Variants in ATOSA observed in about 807,000 individuals in gnomAD.
ATOSA encodes atos homolog protein A.
At chr15:52,582,183 T>C in the ATOSA span, 2 of 1,584,030 alleles carry the variant, frequency 1.3e-6, no homozygotes, top group South Asian at 1.2e-5. Flanking sequence ...TGAGGGTTTG[T>C]TGGTGATTCA....
chr15:52,690,953 A>G, the ATOSA span, among the ~76,000 whole-genome samples: 1 of 152,236 alleles, frequency 6.6e-6, no homozygotes, highest in East Asian at 1.9e-4. Context: ...TTCTGTGATG[A>G]TCCTGCTGGT....
At chr15:52,645,493 T>C in the ATOSA span, among the ~76,000 whole-genome samples, 1 of 151,844 alleles carries the variant, frequency 6.6e-6, no homozygotes, top group East Asian at 1.9e-4. Context: ...AAAATAGGAG[T>C]AGATCAAGGT....
At chr15:52,609,026 C>T in the ATOSA span, 37 of 1,613,234 alleles carry the variant, frequency 2.3e-5, 1 homozygote, top group South Asian at 3.1e-4. Context: ...ATTTCTTGCT[C>T]CTTGAATCTG....
At chr15:52,630,099 A>T in the ATOSA span, among the ~76,000 whole-genome samples, 1 of 151,966 alleles carries the variant, frequency 6.6e-6, no homozygotes, top group Non-Finnish European at 1.5e-5. Context: ...CTTTTCCCAG[A>T]CTCCCATCTT....
the ATOSA span, among the ~76,000 whole-genome samples, chr15:52,640,927 C>A: frequency 6.6e-6 from 1 of 152,028 alleles, no homozygotes; most frequent in Non-Finnish European, 1.5e-5. Flanking sequence ...ACCATATGAT[C>A]CAGCATCCCA....
the ATOSA span, among the ~76,000 whole-genome samples, chr15:52,660,127 T>C: frequency 2.6e-5 from 4 of 152,208 alleles, no homozygotes; most frequent in Admixed American, 2.6e-4. Flanking sequence ...AATTATGATA[T>C]CTTAGAACTT....
chr15:52,601,235 A>G, the ATOSA span: 4,127 of 934,648 alleles, frequency 4.4e-3, 118 homozygotes, highest in African/African-American at 0.061. Context: ...TTGATAAAAC[A>G]CTTTTTAAAT....
At chr15:52,617,302 A>G in the ATOSA span, among the ~76,000 whole-genome samples, 1 of 152,124 alleles carries the variant, frequency 6.6e-6, no homozygotes, top group South Asian at 2.1e-4. Context: ...GAAAGGCCAC[A>G]TGAGCACACA....
the ATOSA span, among the ~76,000 whole-genome samples, chr15:52,597,418 A>C: frequency 6.6e-6 from 1 of 152,220 alleles, no homozygotes; most frequent in Non-Finnish European, 1.5e-5. Flanking sequence ...ACTGTGGTCT[A>C]TCCATACAAC....
the ATOSA span, among the ~76,000 whole-genome samples, chr15:52,640,247 A>G: frequency 1.3e-5 from 2 of 152,084 alleles, no homozygotes; most frequent in African/African-American, 4.8e-5. Context: ...ATTTTAAGAC[A>G]TATTACTCTT....
the ATOSA span, among the ~76,000 whole-genome samples, chr15:52,646,084 G>A: frequency 1.3e-4 from 20 of 152,186 alleles, no homozygotes; most frequent in African/African-American, 4.1e-4. Context: ...AACATAGGCT[G>A]GTTTCCCAAA....
chr15:52,593,801 T>G, the ATOSA span: 1 of 1,419,360 alleles, frequency 7.0e-7, no homozygotes, highest in Non-Finnish European at 9.5e-7. Flanking sequence ...TTTTTCTATT[T>G]AAAGAAATAT....
At chr15:52,612,826 G>A in the ATOSA span, among the ~76,000 whole-genome samples, 1 of 151,994 alleles carries the variant, frequency 6.6e-6, no homozygotes, top group Non-Finnish European at 1.5e-5. Flanking sequence ...GATTTTTAGA[G>A]TTTACAATTT....
the ATOSA span, chr15:52,600,280 C>CT: frequency 2.5e-3 from 2,810 of 1,106,230 alleles, no homozygotes; most frequent in Non-Finnish European, 3.0e-3. Context: ...AGCCACAATA[C>CT]TTTTTTTTTT....
chr15:52,697,957 A>ATTTTTTTTTTTTT, the ATOSA span, among the ~76,000 whole-genome samples: 37 of 44,778 alleles, frequency 8.3e-4, 1 homozygote, highest in Admixed American at 1.2e-3. Flanking sequence ...GGGATGTAGA[A>ATTTTTTTTTTTTT]TTTTTTTTTT....
the ATOSA span, among the ~76,000 whole-genome samples, chr15:52,641,233 A>C: frequency 2.0e-5 from 3 of 152,254 alleles, no homozygotes; most frequent in African/African-American, 7.2e-5. Flanking sequence ...GGTTAAAGTA[A>C]ACCTGTATTG....
At chr15:52,586,153 G>C in the ATOSA span, 2 of 152,336 alleles carry the variant, frequency 1.3e-5, no homozygotes, top group African/African-American at 2.4e-5. Context: ...CCGAAGGCAA[G>C]AGAACACTGT....
chr15:52,605,062 G>T, the ATOSA span: 6 of 1,012,260 alleles, frequency 5.9e-6, no homozygotes, highest in South Asian at 3.4e-5. Context: ...ATTAAAATTT[G>T]AATGAAATTA....
the ATOSA span, among the ~76,000 whole-genome samples, chr15:52,629,859 GA>G: frequency 6.6e-6 from 1 of 151,626 alleles, no homozygotes; most frequent in Non-Finnish European, 1.5e-5. Context: ...ATTAAGAATT[GA>G]AATCAAAATG....
Sources: allele counts gnomAD v4.1 joint callset (sites outside exome capture counted in the v4.1 genomes callset), GRCh38; gene constraint gnomAD v4.1.1; transcripts MANE v1.5; gene names NCBI Gene and HGNC (gene_info 2026-07-23, HGNC 2026-07-21).